Variants in TTN observed in about 807,000 individuals in gnomAD.
TTN encodes the protein titin.
A neutral mutation model predicts 3,223.0 loss-of-function variants in TTN; 1,525 were observed. That is an observed-to-expected ratio of 0.47 (90% CI 0.45 to 0.49). The LOEUF is 0.49. Among genes scored for constraint, TTN ranks in the 20% least tolerant of loss-of-function variants. TTN has a pLI of 0.00. For synonymous variants in TTN, 14,094 were observed against 15,161.0 expected, an observed-to-expected ratio of 0.93 and a Z score of 5.17; for missense variants, 40,786 against 43,424.0, an observed-to-expected ratio of 0.94 and a Z score of 5.40.
At position 178,542,773 on chromosome 2, in the gene TTN, C is replaced by G. The variant is rs766538774; in HGVS notation, c.97081G>C (p.Val32361Leu). 1 of 1,613,786 alleles carries G rather than the reference C, an allele frequency of 6.2e-7. No homozygotes were observed. Residue 32361 changes from valine to leucine, a missense_variant, in exon 348 of 363, where the codon GTA becomes CTA. Transcript: ENST00000589042. Reference sequence around the variant, plus strand: ...GTTTCACGGATGGTTAATTTAGCTACTTTAGTGTGAGTTTCAACTGTGACA... The same window carrying G: ...GTTTCACGGATGGTTAATTTAGCTAGTTTAGTGTGAGTTTCAACTGTGACA... ...ERVTVETHTKVAKLTIRETTI... is the reference protein window; with the variant it reads ...ERVTVETHTKLAKLTIRETTI...
At chr2:178,613,481 A>G (rs2056721159) in intron 263 of TTN, among the ~76,000 whole-genome samples, 2 of 151,990 alleles carry the variant, frequency 1.3e-5, no homozygotes, top group African/African-American at 4.8e-5. Flanking sequence ...TCTAATTATA[A>G]TATCTATGAC....
rs2154209202 is a variant in TTN at position 178,618,037 on chromosome 2, G to A, written c.47314C>T (p.Arg15772Ter). 4 of 1,612,302 alleles carry A rather than the reference G, an allele frequency of 2.5e-6. No individual in the cohort carries two copies. Among genetic ancestry groups the A allele is most frequent in the Non-Finnish European group, 3.4e-6 (4 of 1,179,058 alleles). Residue 15772 changes from arginine (R) to a stop codon, truncating the protein, a stop_gained, in exon 253 of 363, where the codon CGA becomes TGA. Coordinates refer to ENST00000589042, the MANE Select transcript of TTN (RefSeq NM_001267550.2). LOFTEE classifies it high-confidence loss of function. ...TCCCATGTCAGTGAGACACCAAATC[G>A]ATTCACATCAGTGATGGTTACATTC... Reference protein sequence around the residue: ...PLNVTITDVNRFGVSLTWEPP... With the variant: ...PLNVTITDVN
Position 178,679,963 on chromosome 2 carries a change from C to T in TTN, c.33511G>A (p.Glu11171Lys), listed in dbSNP as rs763078484. Reference sequence around the variant, plus strand: ...TCCTCTTCTTCATGAATGTACTCTTCTTCTTCTTCTACAAGATATTCTTCT... The same window carrying T: ...TCCTCTTCTTCATGAATGTACTCTTTTTCTTCTTCTACAAGATATTCTTCT... ...HVEEYLVEEE[E>K]EYIHEEEEFI... Residue 11171 changes from glutamate to lysine, a missense_variant, in exon 140 of 363, where the codon GAA becomes AAA. By Grantham distance (56) the Glu-to-Lys change is moderately conservative. Coordinates refer to ENST00000589042, the MANE Select transcript of TTN (RefSeq NM_001267550.2). 27 of 1,613,062 alleles carry T rather than the reference C, an allele frequency of 1.7e-5. No individual in the cohort carries two copies. In the South Asian group the frequency reaches 3.0e-4, roughly 18 times the overall value.
Position 178,531,324 on chromosome 2 carries a change from T to C in TTN, c.105291A>G (p.Glu35097=), listed in dbSNP as rs767161411. Residue 35097 remains glutamate, a synonymous_variant, in exon 358 of 363, where the codon GAA becomes GAG. Coordinates refer to ENST00000589042, the MANE Select transcript of TTN (RefSeq NM_001267550.2). ...TTTTCATTTCTGCAGATGCAGAGTG[T>C]TCATATGAGGAGAGACTTTCCCTTG... ...TETRESLSSY[E]HSASAEMKSA... 1.2e-6 allele frequency: 2 copies of C among 1,614,044 alleles called. No homozygotes were observed. Among genetic ancestry groups the C allele is most frequent in the South Asian group, 1.1e-5 (1 of 91,084 alleles).
chr2:178,613,413 A>G, intron 263 of TTN, 137 bp from the exon 264 acceptor site: 1 of 776,284 alleles, frequency 1.3e-6, no homozygotes, highest in Non-Finnish European at 2.0e-6. Flanking sequence ...GCACTTCAAT[A>G]TAAATTAAAA....
In TTN at chr2:178,564,367, A is replaced by C; in HGVS notation, c.81765T>G (p.Ser27255Arg). The C allele has an allele frequency of 6.2e-7, 1 of 1,613,696 alleles. No individual in the cohort carries two copies. The change falls in exon 326 of 363, where the codon AGT becomes AGG. Residue 27255 changes from serine to arginine, a missense_variant. Physicochemically the swap from Ser to Arg is moderately radical, Grantham distance 110. Coordinates refer to ENST00000589042, the MANE Select transcript of TTN (RefSeq NM_001267550.2). ...VIARNAAGNF[S>R]EPSDSSGAIT... ...TGGCACCACTACTATCAGATGGTTC[A>C]CTAAAGTTTCCAGCTGCATTTCTTG...
chr2:178,573,923 A>T lies in TTN; in HGVS notation c.72209T>A (p.Leu24070Gln), dbSNP rs1709142629. ...TATTTCTAACTTTGCTGTGCCTTCC[A>T]GCTCTTTTCCATCTTTGCTCCATTC... ...TMEWSKDGKE[L>Q]EGTAKLEIKI... is the part of the protein sequence containing the mutation. The change falls in exon 326 of 363, where the codon CTG (leucine) becomes CAG (glutamine). Residue 24070 changes from leucine (L) to glutamine (Q), a missense_variant. Leu to Gln is a moderately radical substitution (Grantham distance 113, BLOSUM62 -2). Transcript: ENST00000589042. 6.2e-7 allele frequency: 1 copy of T among 1,612,926 alleles called. No individual in the cohort carries two copies. The highest frequency in any genetic ancestry group is 1.7e-5 in the Admixed American group (1 of 59,960).
At chr2:178,800,803 G>T in intron 3 of TTN, 121 bp from the exon 4 acceptor site, 2 of 1,146,108 alleles carry the variant, frequency 1.7e-6, no homozygotes, top group Non-Finnish European at 2.4e-6. Flanking sequence ...AAACATCCTT[G>T]AATGTCCTTG....
rs201478352 is a variant in TTN, at chr2:178,749,383, A to T, written c.11311+3741T>A. The T allele has an allele frequency of 1.1e-5, 18 of 1,613,064 alleles. No individual in the cohort carries two copies. Among genetic ancestry groups the T allele is most frequent in the Middle Eastern group, 1.6e-4 (1 of 6,072 alleles). ...TGCTGATTTTTATGGTTCTTGAAGC[A>T]CCATGCACAAATCTGGGAATTTTTT... On this transcript the variant is annotated intron_variant, in intron 47 of 362. Transcript: ENST00000589042.
rs2076944225 is a variant in TTN at position 178,713,347 on chromosome 2, T to C, written c.26787A>G (p.Thr8929=). 2.6e-6 allele frequency: 4 copies of C among 1,552,240 alleles called. No homozygotes were observed. The highest frequency in any genetic ancestry group is 2.7e-5 in the African/African-American group (2 of 73,362). Reference sequence around the variant, plus strand: ...GACCATTTGTCTCTTTCAATTTTCTTGTGAATGAAGGAGGAACGGTTCGGT... The same window carrying C: ...GACCATTTGTCTCTTTCAATTTTCTCGTGAATGAAGGAGGAACGGTTCGGT... The part of the protein sequence containing the change: ...VSDRTVPPSF[T]RKLKETNGLS... Residue 8929 remains threonine, a synonymous_variant, in exon 93 of 363, where the codon ACA becomes ACG. Coordinates refer to ENST00000589042, the MANE Select transcript of TTN (RefSeq NM_001267550.2).
In TTN at chr2:178,689,760, C is replaced by T. The variant is rs536081812; in HGVS notation, c.31846+53G>A. ...TCAATGAACAGATAATTAAACACAACATATTTTGTATCAAAGATAAAAGAT... is the reference window on the plus strand; with the variant it reads ...TCAATGAACAGATAATTAAACACAATATATTTTGTATCAAAGATAAAAGAT... On this transcript the variant is annotated intron_variant, in intron 122 of 362. Coordinates refer to ENST00000589042, the MANE Select transcript of TTN (RefSeq NM_001267550.2). The T allele has an allele frequency of 1.6e-5, 25 of 1,536,834 alleles. 1 individual carries two copies. In the South Asian group the frequency reaches 2.5e-4, roughly 16 times the overall value.
At chr2:178,799,287 A>C in intron 6 of TTN, 200 bp downstream of exon 6, 4 of 748,462 alleles carry the variant, frequency 5.3e-6, no homozygotes, top group Non-Finnish European at 8.5e-6. Context: ...CAGACACACA[A>C]GCGGCTGGAT....
rs772838978 is a variant in TTN, at chr2:178,706,729, C to T, written c.29145G>A (p.Ala9715=). 5.6e-6 allele frequency: 9 copies of T among 1,608,046 alleles called. No homozygotes were observed. In the African/African-American group the frequency reaches 6.7e-5, roughly 12 times the overall value. ...CACCTCCAACTTTTGCAATGAAGGT[C>T]GCAGTGGTTTCTAAGGAATAATGAA... ...QSIRVVEKTT[A]TFIAKVGGDP... Residue 9715 remains alanine, a synonymous_variant, in exon 102 of 363, where the codon GCG becomes GCA. Coordinates refer to ENST00000589042, the MANE Select transcript of TTN (RefSeq NM_001267550.2).
In TTN at chr2:178,665,471, A is replaced by G. The variant is rs1390519409; in HGVS notation, c.35960-11T>C. On this transcript the variant is annotated splice_polypyrimidine_tract_variant and intron_variant, in intron 164 of 362. Coordinates refer to ENST00000589042, the MANE Select transcript of TTN (RefSeq NM_001267550.2). ...TCATAGCTTCTGGTGCTTTGAAGAT[A>G]TTAGTATTATGGTTAGAGGTTAAAA... The G allele has an allele frequency of 6.2e-7, 1 of 1,611,640 alleles. No individual in the cohort carries two copies. The highest frequency in any genetic ancestry group is 1.7e-5 in the Admixed American group (1 of 59,974).
rs753367948 is a variant in TTN at position 178,580,222 on chromosome 2, A to G, written c.67065T>C (p.Pro22355=). ...TAACAGTCACATTGACAGGTGGCCC[A>G]GGAGTATCTGGATAAATAGTAGGTA... is the stretch of plus-strand genomic sequence containing the variant. ...YTIVVKVLDT[P]GPPVNVTVKE... is the part of the protein sequence containing the mutation. The change falls in exon 318 of 363, where the codon CCT becomes CCC. Residue 22355 remains proline, a synonymous_variant. Transcript: ENST00000589042. The G allele has an allele frequency of 1.2e-6, 2 of 1,612,240 alleles. No homozygotes were observed. Among genetic ancestry groups the G allele is most frequent in the African/African-American group, 1.3e-5 (1 of 74,796 alleles).
chr2:178,761,318 C>T (rs1374888041), intron 43 of TTN, among the ~76,000 whole-genome samples: 1 of 152,092 alleles, frequency 6.6e-6, no homozygotes, highest in Non-Finnish European at 1.5e-5. Context: ...GATCATGGTA[C>T]CCAGGGGCTT....
intron 155 of TTN, among the ~76,000 whole-genome samples, chr2:178,671,548 A>C (rs564383788): frequency 6.6e-6 from 1 of 151,888 alleles, no homozygotes; most frequent in East Asian, 1.9e-4. Context: ...AACTGGCAAA[A>C]GCTTTTGGTA....
rs563342894 is a variant in TTN, at chr2:178,623,789, G to A, written c.44815+676C>T. The stretch of plus-strand genomic sequence containing the variant: ...AAATGTCATCACTGGACAAAGGAAT[G>A]AATGAAACAAATAAGCTAGTATGTG... On this transcript the variant is annotated intron_variant, in intron 242 of 362. Transcript: ENST00000589042. Among the ~76,000 whole-genome samples, 58 of 151,970 alleles carry A rather than the reference G, an allele frequency of 3.8e-4. 1 individual carries two copies. The East Asian group carries it at 9.8e-3, about 26-fold the overall frequency.
At position 178,722,012 on chromosome 2, in the gene TTN, C is replaced by A; in HGVS notation, c.22651G>T (p.Asp7551Tyr). 1 of 1,613,512 alleles carries A rather than the reference C, an allele frequency of 6.2e-7. No individual in the cohort carries two copies. Among genetic ancestry groups the A allele is most frequent in the Non-Finnish European group, 8.5e-7 (1 of 1,179,570 alleles). Residue 7551 changes from aspartate to tyrosine, a missense_variant, in exon 78 of 363, where the codon GAT becomes TAT. By Grantham distance (160) the Asp-to-Tyr change is radical. Transcript: ENST00000589042. Reference sequence around the variant, plus strand: ...CCTCCAGGACGGATCTCCTTGTTATCTTTTGACCAAGTGATTCGCATCGGT... The same window carrying A: ...CCTCCAGGACGGATCTCCTTGTTATATTTTGACCAAGTGATTCGCATCGGT... Reference protein sequence around the residue: ...AQPMRITWSKDNKEIRPGGNY... With the variant: ...AQPMRITWSKYNKEIRPGGNY...
Sources: allele counts gnomAD v4.1 joint callset (sites outside exome capture counted in the v4.1 genomes callset), GRCh38; gene constraint gnomAD v4.1.1; transcripts MANE v1.5; gene names NCBI Gene and HGNC (gene_info 2026-07-23, HGNC 2026-07-21).